MROH1: variants seen among roughly 807,000 people sequenced by gnomAD.
MROH1 encodes maestro heat like repeat family member 1.
In MROH1, 117 loss-of-function variants were observed where a neutral mutation model predicts 116.5. The observed-to-expected ratio is 1.00, with a 90% CI of 0.86 to 1.17. The LOEUF is 1.17. MROH1 is among the 50% of genes most tolerant of loss of function. The pLI is 0.00. For missense variants in MROH1, 1,873 were observed against 1,338.5 expected (o/e 1.40, Z -6.23); for synonymous variants, 921 against 583.9 (o/e 1.58, Z -8.32).
At chr8:144,250,765 G>C in intron 33 of MROH1, 1 of 366,436 alleles carries the variant, frequency 2.7e-6, no homozygotes, top group Non-Finnish European at 5.3e-6. Flanking sequence ...GGCATCCACT[G>C]CTGCCTGTGA....
In MROH1 at chr8:144,230,311, G is replaced by A. The variant is rs543885414; in HGVS notation, c.1338+7081G>A. On this transcript the variant is annotated intron_variant, in intron 14 of 43. Transcript: ENST00000326134. ...TCTGATTCCCTATGCAGACCATTCA[G>A]ACTTTCTCAGTGTCAGCAATAAGGC... Among the ~76,000 whole-genome samples the A allele has an allele frequency of 1.4e-4, 22 of 152,286 alleles. No individual in the cohort carries two copies. The South Asian group carries it at 4.6e-3, about 32-fold the overall frequency.
intron 13 of MROH1, among the ~76,000 whole-genome samples, chr8:144,222,440 C>T (rs1260240102): frequency 6.6e-6 from 1 of 152,144 alleles, no homozygotes; most frequent in Non-Finnish European, 1.5e-5. Flanking sequence ...GGCTGCCTTC[C>T]AGGGGCAAAG....
chr8:144,255,249 C>T (rs1457812715), intron 34 of MROH1, among the ~76,000 whole-genome samples: 5 of 152,252 alleles, frequency 3.3e-5, no homozygotes, highest in East Asian at 3.8e-4. Flanking sequence ...ATTCCCTCCT[C>T]CTCCTTTCTG....
chr8:144,255,361 T>G (rs782097908), intron 34 of MROH1, 148 bp from the exon 35 acceptor site: 3 of 660,454 alleles, frequency 4.5e-6, no homozygotes, highest in Non-Finnish European at 8.5e-6. Context: ...CATGCAGTGG[T>G]GCGCCTCGCC....
At chr8:144,183,716 G>A (rs1826252813) in intron 7 of MROH1, among the ~76,000 whole-genome samples, 2 of 151,408 alleles carry the variant, frequency 1.3e-5, no homozygotes, top group East Asian at 2.0e-4. Flanking sequence ...GCGCGATCTC[G>A]GCTCACTGCA....
rs1436475563 is a variant in MROH1, at chr8:144,220,650, C to T, written c.1192C>T (p.Pro398Ser). Reference sequence around the variant, plus strand: ...CTTTATCCTGTCTTCCATGAGGCTTCCTCTCCTGGACACCAACAGCAAGGT... The same window carrying T: ...CTTTATCCTGTCTTCCATGAGGCTTTCTCTCCTGGACACCAACAGCAAGGT... ...KPFILSSMRL[P>S]LLDTNSKVKR... The change falls in exon 13 of 44, where the codon CCT becomes TCT. Residue 398 changes from proline to serine, a missense_variant. Transcript: ENST00000326134. The T allele has an allele frequency of 6.3e-7, 1 of 1,577,512 alleles. No homozygotes were observed. Among genetic ancestry groups the T allele is most frequent in the Non-Finnish European group, 8.6e-7 (1 of 1,161,780 alleles).
intron 12 of MROH1, among the ~76,000 whole-genome samples, chr8:144,212,780 A>G (rs928105338): frequency 6.6e-6 from 1 of 151,538 alleles, no homozygotes; most frequent in Non-Finnish European, 1.5e-5. Flanking sequence ...TAGTACAGAT[A>G]GGGTTTCACC....
At chr8:144,238,704 G>A (rs1840459222) in intron 14 of MROH1, 52 bp from the exon 15 acceptor site, 2 of 760,236 alleles carry the variant, frequency 2.6e-6, no homozygotes, top group East Asian at 4.9e-5. Flanking sequence ...TGTGTCCTCA[G>A]GCCCAGAGCC....
intron 35 of MROH1, among the ~76,000 whole-genome samples, chr8:144,256,316 C>A (rs4416860): frequency 0.35 from 53,270 of 151,636 alleles, 11,296 homozygotes; most frequent in East Asian, 0.6. Context: ...CAGGAGGGCT[C>A]TGGTTCCATC....
intron 33 of MROH1, chr8:144,250,809 C>T (rs1003967834): frequency 2.7e-4 from 92 of 345,802 alleles, no homozygotes; most frequent in Non-Finnish European, 4.9e-4. Context: ...TCTGAGCCCC[C>T]TCAGGAGCCC....
In MROH1 at chr8:144,180,044, T is replaced by C. The variant is rs1405253225; in HGVS notation, c.301-134T>C. 22 of 1,104,180 alleles carry C rather than the reference T, an allele frequency of 2.0e-5. No individual in the cohort carries two copies. The highest frequency in any genetic ancestry group is 2.9e-5 in the Non-Finnish European group (22 of 756,074). 68.4% of individuals were successfully genotyped at this position (1,104,180 alleles called of 1,614,324 possible). On this transcript the variant is annotated intron_variant, in intron 5 of 43. Transcript: ENST00000326134. This position sits in a 1 kb window ranked among gnomAD's most constrained non-coding sequence, Gnocchi z 7.4. Reference sequence around the variant, plus strand: ...AGCAGCCCCTCAGCAGAGGAGGCTGTGCCCGCCACCTTCCCTGACCTGCAC... The same window carrying C: ...AGCAGCCCCTCAGCAGAGGAGGCTGCGCCCGCCACCTTCCCTGACCTGCAC...
chr8:144,230,595 A>G (rs944888452), intron 14 of MROH1, among the ~76,000 whole-genome samples: 4 of 149,744 alleles, frequency 2.7e-5, no homozygotes, highest in Non-Finnish European at 4.4e-5. Context: ...ATCTTGGCTT[A>G]TAATTTTTTT....
intron 3 of MROH1, among the ~76,000 whole-genome samples, chr8:144,166,050 T>C (rs1820752681): frequency 6.6e-6 from 1 of 152,120 alleles, no homozygotes; most frequent in Non-Finnish European, 1.5e-5. Context: ...GGCTAATTTT[T>C]ATATTTTTAG....
chr8:144,258,893 A>AG lies in MROH1; in HGVS notation c.3913dup (p.Ala1305GlyfsTer10), dbSNP rs1844432378. 3.9e-6 allele frequency: 3 copies of AG among 759,550 alleles called. No individual in the cohort carries two copies. In the Admixed American group the frequency reaches 5.3e-5, roughly 13 times the overall value. The allele number at this position is 759,550 out of a possible 1,614,324, so 47.1% of individuals were successfully genotyped here. ...CTCAGGACCTCGGCGGGGCATGAGG[A>AG]GGGGGCCACCAGGTTGGCCAGGTGA... is the stretch of plus-strand genomic sequence containing the variant. On this transcript the variant is annotated frameshift_variant, in exon 36 of 44. Coordinates refer to ENST00000326134, the MANE Select transcript of MROH1 (RefSeq NM_032450.3). LOFTEE classifies it high-confidence loss of function.
In MROH1 at chr8:144,259,983, A is replaced by G; in HGVS notation, c.4117A>G (p.Lys1373Glu). The G allele has an allele frequency of 2.7e-6, 2 of 739,510 alleles. No homozygotes were observed. The highest frequency in any genetic ancestry group is 1.7e-5 in the African/African-American group (1 of 58,230). 45.8% of individuals were successfully genotyped at this position (739,510 alleles called of 1,614,324 possible). The stretch of plus-strand genomic sequence containing the variant: ...GCTGGAGAGCCTGGCGGCTCGCCAG[A>G]AGGACACATGCGCCAGCGTGCGGAG... ...SLLESLAARQ[K>E]DTCASVRRLV... The change falls in exon 38 of 44, where the codon AAG becomes GAG. Residue 1373 changes from lysine (K) to glutamate (E), a missense_variant. By Grantham distance (56) the Lys-to-Glu change is moderately conservative. Coordinates refer to ENST00000326134, the MANE Select transcript of MROH1 (RefSeq NM_032450.3).
chr8:144,225,319 T>G (rs2132483289), intron 14 of MROH1, among the ~76,000 whole-genome samples: 1 of 152,270 alleles, frequency 6.6e-6, no homozygotes, highest in East Asian at 1.9e-4. Flanking sequence ...TAAATATGTA[T>G]TTTTTTAACT....
At chr8:144,214,086 T>C (rs1248741401) in intron 12 of MROH1, 3 of 152,264 alleles carry the variant, frequency 2.0e-5, no homozygotes, top group African/African-American at 7.2e-5. Flanking sequence ...ACGGCCTTTC[T>C]GCTCCCACCA....
chr8:144,244,848 G>A (rs1205855844), intron 28 of MROH1, among the ~76,000 whole-genome samples: 1 of 152,186 alleles, frequency 6.6e-6, no homozygotes, highest in Non-Finnish European at 1.5e-5. Context: ...CTAGGGTGGG[G>A]CCGACCCCCA....
intron 1 of MROH1, among the ~76,000 whole-genome samples, chr8:144,153,816 A>G (rs989222843): frequency 1.3e-5 from 2 of 152,174 alleles, no homozygotes; most frequent in Non-Finnish European, 2.9e-5. Flanking sequence ...GCTGGAGTGC[A>G]GTGGCACGAT....
Sources: gnomAD v4.1 joint callset for allele counts (sites outside exome capture counted in the v4.1 genomes callset) on GRCh38, gnomAD v4.1.1 for gene constraint, Gnocchi (gnomAD v3.1) non-coding constraint, MANE v1.5 for transcripts, NCBI Gene and HGNC (gene_info 2026-07-23, HGNC 2026-07-21) for gene names.